NAA15: variants seen among roughly 807,000 people sequenced by gnomAD.
NAA15 encodes the protein N-terminal acetyltransferase.
NAA15 carries 34 observed loss-of-function variants against 114.0 expected under a neutral mutation model. The ratio of observed to expected loss-of-function variants is 0.30; its 90% CI spans 0.23 to 0.40. The LOEUF (loss-of-function observed/expected upper bound fraction) is 0.40, where lower values mean the gene tolerates loss of function less well. NAA15 is among the 10% of genes least tolerant of loss of function. NAA15 has a pLI of 1.00. For missense variants in NAA15, 658 were observed against 1,004.5 expected (o/e 0.66, Z 4.66); for synonymous variants, 340 against 338.0 (o/e 1.01, Z -0.06).
chr4:139,343,086 CAAA>C, intron 5 of NAA15, 126 bp downstream of exon 5: 1 of 786,644 alleles, frequency 1.3e-6, no homozygotes, highest in Non-Finnish European at 2.0e-6. Context: ...AGGAATAGCA[CAAA>C]GAACTCTACA....
intron 10 of NAA15, 128 bp downstream of exon 10, chr4:139,354,226 G>A (rs1221140994): frequency 1.5e-6 from 1 of 659,134 alleles, no homozygotes; most frequent in Non-Finnish European, 2.6e-6. Flanking sequence ...TTCTCTTTGA[G>A]AGGGAGATCC....
At chr4:139,331,073 T>C (rs983491093) in intron 1 of NAA15, among the ~76,000 whole-genome samples, 2 of 152,218 alleles carry the variant, frequency 1.3e-5, no homozygotes, top group African/African-American at 2.4e-5. Context: ...AATTGTATCT[T>C]TTAGAGCACT....
chr4:139,361,912 G>A lies in NAA15; in HGVS notation c.1728G>A (p.Glu576=). 1 of 1,612,836 alleles carries A rather than the reference G, an allele frequency of 6.2e-7. No homozygotes were observed. Among genetic ancestry groups the A allele is most frequent in the Middle Eastern group, 1.7e-4 (1 of 6,056 alleles). Residue 576 remains glutamate (E), a synonymous_variant, in exon 14 of 20, where the codon GAG becomes GAA. Coordinates refer to ENST00000296543, the MANE Select transcript of NAA15 (RefSeq NM_057175.5). ...TTCATGACAACCCCCTTACAGATGA[G>A]AATAAAGAACACGAAGCTGATACAG... ...LKLHDNPLTD[E]NKEHEADTAN...
intron 1 of NAA15, among the ~76,000 whole-genome samples, chr4:139,323,669 T>C (rs1169831383): frequency 1.3e-5 from 2 of 152,208 alleles, no homozygotes; most frequent in African/African-American, 4.8e-5. Flanking sequence ...GTCTGGAAGA[T>C]GCTTCTAGAG....
At chr4:139,344,973 A>G (rs1747534179) in intron 6 of NAA15, among the ~76,000 whole-genome samples, 1 of 152,246 alleles carries the variant, frequency 6.6e-6, no homozygotes, top group Admixed American at 6.5e-5. Context: ...ATTATAGAAA[A>G]TAAAAGAAGA....
At position 139,349,599 on chromosome 4, in the gene NAA15, T is replaced by C; in HGVS notation, c.811+18T>C. ...CAAGCCAGGTAGTATTGTTTAAAAC[T>C]TACTAAGTTTTATTGTTTCTTTTGT... On this transcript the variant is annotated intron_variant, in intron 7 of 19. Transcript: ENST00000296543. 6.3e-7 allele frequency: 1 copy of C among 1,581,498 alleles called. No homozygotes were observed. Among genetic ancestry groups the C allele is most frequent in the Non-Finnish European group, 8.6e-7 (1 of 1,168,542 alleles).
intron 7 of NAA15, 78 bp downstream of exon 7, chr4:139,349,659 A>G (rs1747716521): frequency 2.2e-6 from 3 of 1,379,514 alleles, no homozygotes; most frequent in African/African-American, 1.5e-5. Flanking sequence ...GAAAAGCACA[A>G]CTAGAATAAT....
intron 1 of NAA15, among the ~76,000 whole-genome samples, chr4:139,311,510 G>C (rs1579082313): frequency 6.6e-6 from 1 of 151,902 alleles, no homozygotes; most frequent in East Asian, 1.9e-4. Context: ...GTAAGACTTT[G>C]AAGTTTAATT....
intron 10 of NAA15, among the ~76,000 whole-genome samples, chr4:139,356,202 C>T (rs1354157535): frequency 6.6e-6 from 1 of 151,996 alleles, no homozygotes; most frequent in Non-Finnish European, 1.5e-5. Flanking sequence ...TCAAAATAAC[C>T]ACATTACAAA....
At chr4:139,337,889 A>T (rs1747250404) in intron 3 of NAA15, among the ~76,000 whole-genome samples, 1 of 152,222 alleles carries the variant, frequency 6.6e-6, no homozygotes, top group African/African-American at 2.4e-5. Context: ...ATTGTCACTA[A>T]TCCAGTAAAG....
At chr4:139,387,510 C>T (rs1748942259) in intron 19 of NAA15, among the ~76,000 whole-genome samples, 1 of 152,172 alleles carries the variant, frequency 6.6e-6, no homozygotes, top group Admixed American at 6.5e-5. Context: ...TTGGTATTGG[C>T]ATTGTAAATC....
At position 139,390,197 on chromosome 4, in the gene NAA15, C is replaced by CT. The variant is rs1467893851; in HGVS notation, c.*2115dup. ...TGAATATTCATAAGTACTCAGAACT[C>CT]TTAAGATGCAGATGCCACCCGTGAG... On this transcript the variant is annotated 3_prime_UTR_variant, in exon 20 of 20. Coordinates refer to ENST00000296543, the MANE Select transcript of NAA15 (RefSeq NM_057175.5). The CT allele has an allele frequency of 2.0e-5, 3 of 152,780 alleles. No homozygotes were observed. In the South Asian group the frequency reaches 6.2e-4, roughly 32 times the overall value. The allele number at this position is 152,780 out of a possible 1,614,324, so 9.5% of individuals were successfully genotyped here. A position where few individuals can be genotyped will look rare whatever the true frequency, so the allele number is the denominator to read the frequency against.
At chr4:139,365,120 CT>C (rs1748241658) in intron 14 of NAA15, among the ~76,000 whole-genome samples, 1 of 152,192 alleles carries the variant, frequency 6.6e-6, no homozygotes. Context: ...TCACCGCAAC[CT>C]CTGCCTCCTG....
chr4:139,337,879 AT>A lies in NAA15; in HGVS notation c.244+929del, dbSNP rs1249495209. Among the ~76,000 whole-genome samples the A allele has an allele frequency of 3.9e-5, 6 of 152,368 alleles. No individual in the cohort carries two copies. The South Asian group carries it at 6.2e-4, about 16-fold the overall frequency. ...TAAGATGTTATGGTTTATTCAAGTAATTGTCACTAATCCAGTAAAGCAGAAG... is the reference window on the plus strand; with the variant it reads ...TAAGATGTTATGGTTTATTCAAGTAATGTCACTAATCCAGTAAAGCAGAAG... On this transcript the variant is annotated intron_variant, in intron 3 of 19. Coordinates refer to ENST00000296543, the MANE Select transcript of NAA15 (RefSeq NM_057175.5).
intron 6 of NAA15, among the ~76,000 whole-genome samples, chr4:139,348,534 T>C (rs1484564939): frequency 6.6e-6 from 1 of 151,298 alleles, no homozygotes; most frequent in Non-Finnish European, 1.5e-5. Flanking sequence ...GAGCGAAAGA[T>C]ATAACAGAGA....
chr4:139,383,246 C>G (rs1378813475), intron 17 of NAA15, among the ~76,000 whole-genome samples: 1 of 152,100 alleles, frequency 6.6e-6, no homozygotes, highest in Non-Finnish European at 1.5e-5. Flanking sequence ...TACTGTAAAT[C>G]TTTTAGATTA....
chr4:139,371,633 C>T (rs1005296299), intron 15 of NAA15, among the ~76,000 whole-genome samples: 2 of 151,214 alleles, frequency 1.3e-5, no homozygotes, highest in African/African-American at 4.9e-5. Flanking sequence ...AACACAATAC[C>T]TTTTTATTGT....
chr4:139,342,395 A>G (rs1410150737), intron 4 of NAA15, among the ~76,000 whole-genome samples: 1 of 152,094 alleles, frequency 6.6e-6, no homozygotes, highest in Non-Finnish European at 1.5e-5. Flanking sequence ...AAAGCTACAC[A>G]ATATGGATGT....
intron 15 of NAA15, among the ~76,000 whole-genome samples, chr4:139,372,055 A>G (rs1748458157): frequency 6.6e-6 from 1 of 152,072 alleles, no homozygotes; most frequent in Non-Finnish European, 1.5e-5. Flanking sequence ...AGCTGGGACT[A>G]CAGGCGCCCG....
Sources: gnomAD v4.1 joint callset for allele counts (sites outside exome capture counted in the v4.1 genomes callset) on GRCh38, gnomAD v4.1.1 for gene constraint, MANE v1.5 for transcripts, NCBI Gene and HGNC (gene_info 2026-07-23, HGNC 2026-07-21) for gene names.